Variants in SNRPN observed in about 807,000 individuals in gnomAD.
The protein encoded by SNRPN is small nuclear ribonucleoprotein polypeptide N.
Under a neutral mutation model 25.2 loss-of-function variants are expected in SNRPN, and 7 were observed. The ratio of observed to expected loss-of-function variants is 0.28; its 90% CI spans 0.16 to 0.52. The LOEUF (loss-of-function observed/expected upper bound fraction) is 0.52. Among genes scored for constraint, SNRPN ranks in the 20% least tolerant of loss-of-function variants. SNRPN has a pLI of 0.96. For missense variants in SNRPN, 196 were observed against 322.5 expected (o/e 0.61, Z 3.00); for synonymous variants, 124 against 110.6 (o/e 1.12, Z -0.76).
intron 2 of SNRPN, among the ~76,000 whole-genome samples, chr15:24,898,905 T>A (rs530969771): frequency 6.6e-6 from 1 of 152,100 alleles, no homozygotes; most frequent in East Asian, 1.9e-4. Flanking sequence ...ATGCTATTTA[T>A]TGGTGATCAA....
chr15:24,943,792 A>G (rs2061708844), intron 3 of SNRPN, among the ~76,000 whole-genome samples: 1 of 152,012 alleles, frequency 6.6e-6, no homozygotes, highest in African/African-American at 2.4e-5. Flanking sequence ...TCTGCTACTG[A>G]CACTTCAAGC....
intron 3 of SNRPN, among the ~76,000 whole-genome samples, chr15:24,972,167 A>G (rs1439384288): frequency 6.6e-6 from 1 of 151,830 alleles, no homozygotes; most frequent in Non-Finnish European, 1.5e-5. Context: ...GAGGCAGGAG[A>G]ACCACTTGAA....
At chr15:24,955,113 T>A (rs780143677) in intron 1 of SNRPN, 51 bp downstream of exon 1, 1 of 1,612,344 alleles carries the variant, frequency 6.2e-7, no homozygotes, top group Admixed American at 1.7e-5. Context: ...GAGCGGCCAC[T>A]TTTATTCATC....
At chr15:24,839,030 G>T (rs1055724332) in intron 2 of SNRPN, among the ~76,000 whole-genome samples, 1 of 151,994 alleles carries the variant, frequency 6.6e-6, no homozygotes, top group African/African-American at 2.4e-5. Flanking sequence ...AATTTCACAG[G>T]AACAGCCTAA....
chr15:24,965,762 T>C (rs560845692), intron 2 of SNRPN, among the ~76,000 whole-genome samples: 38 of 152,304 alleles, frequency 2.5e-4, no homozygotes, highest in African/African-American at 8.9e-4. Context: ...AAATTCTGTG[T>C]AGGCTGCCTC....
chr15:24,977,894 C>A lies in SNRPN; in HGVS notation c.537C>A (p.Val179=). 1 of 1,578,306 alleles carries A rather than the reference C, an allele frequency of 6.3e-7. No homozygotes were observed. The highest frequency in any genetic ancestry group is 8.6e-7 in the Non-Finnish European group (1 of 1,162,882). The part of the protein sequence containing the change: ...PPGRGTPPPP[V]GRATPPPGIM... ...GACGGGGCACTCCGCCCCCACCCGT[C>A]GGCAGAGCAACCCCACCTCCAGGTA... Residue 179 remains valine, a synonymous_variant, in exon 8 of 10, where the codon GTC becomes GTA. Transcript: ENST00000390687.
intron 2 of SNRPN, among the ~76,000 whole-genome samples, chr15:24,962,875 G>C (rs916687012): frequency 2.0e-5 from 3 of 151,798 alleles, no homozygotes; most frequent in African/African-American, 7.2e-5. Flanking sequence ...ATTTTGATCA[G>C]TAGGTAGCAT....
intron 2 of SNRPN, among the ~76,000 whole-genome samples, chr15:24,894,645 A>T (rs2057953781): frequency 6.6e-6 from 1 of 152,214 alleles, no homozygotes; most frequent in Admixed American, 6.5e-5. Context: ...TAGATAATGA[A>T]TTTTTATAAT....
intron 2 of SNRPN, among the ~76,000 whole-genome samples, chr15:24,841,966 C>T (rs1159337134): frequency 6.6e-6 from 1 of 152,146 alleles, no homozygotes; most frequent in Non-Finnish European, 1.5e-5. Flanking sequence ...ACATTCCTTT[C>T]TCTCTGTCTC....
At chr15:24,887,569 C>G (rs554765693) in intron 2 of SNRPN, among the ~76,000 whole-genome samples, 1 of 151,994 alleles carries the variant, frequency 6.6e-6, no homozygotes, top group East Asian at 1.9e-4. Context: ...TTTGGGAGGC[C>G]GAGGCAGGCT....
intron 2 of SNRPN, among the ~76,000 whole-genome samples, chr15:24,965,092 C>T (rs1267138981): frequency 6.6e-6 from 1 of 152,006 alleles, no homozygotes; most frequent in African/African-American, 2.4e-5. Context: ...GCCTCATTGT[C>T]CATGTGTTTA....
intron 2 of SNRPN, among the ~76,000 whole-genome samples, chr15:24,887,340 G>A (rs1339115508): frequency 6.6e-6 from 1 of 151,888 alleles, no homozygotes; most frequent in Admixed American, 6.6e-5. Context: ...TAGAGACAAG[G>A]TTTCACCATG....
intron 2 of SNRPN, among the ~76,000 whole-genome samples, chr15:24,846,071 C>G (rs545562508): frequency 6.8e-6 from 1 of 147,730 alleles, no homozygotes; most frequent in South Asian, 2.1e-4. Flanking sequence ...GGTGACAGAA[C>G]GAGACTCCGT....
chr15:24,900,530 G>C (rs933461625), intron 2 of SNRPN, among the ~76,000 whole-genome samples: 3 of 151,724 alleles, frequency 2.0e-5, no homozygotes, highest in African/African-American at 4.9e-5. Flanking sequence ...CCATTAAAGG[G>C]GATGCCCATT....
chr15:24,833,257 A>G (rs940641343), intron 2 of SNRPN, among the ~76,000 whole-genome samples: 17 of 152,072 alleles, frequency 1.1e-4, no homozygotes, highest in Admixed American at 5.2e-4. Flanking sequence ...GTCTCCTGCT[A>G]ACAGTAGATA....
chr15:24,840,244 G>C (rs944711549), intron 2 of SNRPN, among the ~76,000 whole-genome samples: 3 of 152,142 alleles, frequency 2.0e-5, no homozygotes, highest in South Asian at 2.1e-4. Flanking sequence ...TGTAATCCCA[G>C]CTATTCAGGA....
intron 2 of SNRPN, among the ~76,000 whole-genome samples, chr15:24,904,186 C>A (rs1320002883): frequency 1.3e-5 from 2 of 152,120 alleles, no homozygotes; most frequent in Non-Finnish European, 2.9e-5. Flanking sequence ...TGAGGGAACA[C>A]AATTCAGGCT....
intron 1 of SNRPN, among the ~76,000 whole-genome samples, chr15:24,880,766 CAG>C (rs1186704479): frequency 4.6e-5 from 7 of 151,548 alleles, no homozygotes; most frequent in Non-Finnish European, 1.0e-4. Flanking sequence ...TTTTTTGAGA[CAG>C]AGTCTTGCTC....
chr15:24,917,623 G>A (rs921675810), intron 2 of SNRPN, among the ~76,000 whole-genome samples: 5 of 152,226 alleles, frequency 3.3e-5, no homozygotes, highest in Non-Finnish European at 5.9e-5. Context: ...TGACGTGTGG[G>A]GGCGCAGTGA....
Sources: gnomAD v4.1 joint callset for allele counts (sites outside exome capture counted in the v4.1 genomes callset) on GRCh38, gnomAD v4.1.1 for gene constraint, MANE v1.5 for transcripts, NCBI Gene and HGNC (gene_info 2026-07-23, HGNC 2026-07-21) for gene names.